ARMC3: variants seen among roughly 807,000 people sequenced by gnomAD.
ARMC3 encodes armadillo repeat containing 3.
ARMC3 carries 74 observed loss-of-function variants against 90.3 expected under a neutral mutation model. The ratio of observed to expected loss-of-function variants is 0.82; its 90% CI spans 0.68 to 0.99. The LOEUF (loss-of-function observed/expected upper bound fraction) is 0.99. ARMC3 is among the 50% of genes least tolerant of loss of function. ARMC3 has a pLI of 0.00. For missense variants in ARMC3, 958 were observed against 1,042.8 expected, an observed-to-expected ratio of 0.92 and a Z score of 1.12; for synonymous variants, 334 against 361.8, an observed-to-expected ratio of 0.92 and a Z score of 0.87.
intron 7 of ARMC3, among the ~76,000 whole-genome samples, chr10:22,963,940 A>C (rs1371639452): frequency 0.056 from 8,092 of 145,032 alleles, 332 homozygotes; most frequent in Middle Eastern, 0.099. Flanking sequence ...AAAAAAAAAA[A>C]AAAAAAAAAA....
chr10:22,931,293 C>T (rs765461303), intron 1 of ARMC3, among the ~76,000 whole-genome samples: 15 of 152,194 alleles, frequency 9.9e-5, no homozygotes, highest in Non-Finnish European at 2.2e-4. Context: ...AATTCCATTC[C>T]TTTCACTTTT....
chr10:23,011,647 G>C (rs957488654), intron 16 of ARMC3, among the ~76,000 whole-genome samples: 4 of 152,116 alleles, frequency 2.6e-5, no homozygotes, highest in African/African-American at 9.7e-5. Context: ...CACCTGCATG[G>C]TAACTTACTT....
At chr10:22,987,314 A>G (rs1836494388) in intron 10 of ARMC3, among the ~76,000 whole-genome samples, 1 of 152,218 alleles carries the variant, frequency 6.6e-6, no homozygotes, top group East Asian at 1.9e-4. Context: ...CATTAAAAGA[A>G]TGTTTTAAAC....
chr10:22,963,935 A>ACC (rs1588851605), intron 7 of ARMC3, among the ~76,000 whole-genome samples: 2 of 114,108 alleles, frequency 1.8e-5, no homozygotes, highest in Non-Finnish European at 3.9e-5. Context: ...AAAAAAAAAA[A>ACC]AAAAAAAAAA....
chr10:22,936,839 G>A (rs1436699664), intron 2 of ARMC3, among the ~76,000 whole-genome samples: 1 of 152,100 alleles, frequency 6.6e-6, no homozygotes, highest in Non-Finnish European at 1.5e-5. Context: ...TTTCTCCTTT[G>A]TCAGCCTATT....
intron 16 of ARMC3, among the ~76,000 whole-genome samples, chr10:23,018,514 A>ATTTTTTTTTT (rs5783816): frequency 1.7e-5 from 2 of 115,482 alleles, no homozygotes; most frequent in African/African-American, 3.5e-5. Flanking sequence ...CACCTTAGTA[A>ATTTTTTTTTT]TTTTTTTTTT....
chr10:23,007,627 G>A (rs1837685625), intron 14 of ARMC3, among the ~76,000 whole-genome samples: 1 of 151,468 alleles, frequency 6.6e-6, no homozygotes, highest in East Asian at 1.9e-4. Flanking sequence ...AACCCGGGAG[G>A]CGGATGTTGC....
chr10:23,030,203 G>A (rs1838865477), intron 16 of ARMC3, among the ~76,000 whole-genome samples: 1 of 152,014 alleles, frequency 6.6e-6, no homozygotes, highest in Non-Finnish European at 1.5e-5. Flanking sequence ...CTTTACATAT[G>A]TATAAAATAC....
chr10:23,020,113 G>A (rs1008942215), intron 16 of ARMC3, among the ~76,000 whole-genome samples: 2 of 149,374 alleles, frequency 1.3e-5, no homozygotes, highest in African/African-American at 2.5e-5. Flanking sequence ...GTGAATGTAA[G>A]TTTTTGTTTT....
chr10:22,985,736 G>T (rs529812507), intron 10 of ARMC3, among the ~76,000 whole-genome samples: 21 of 152,180 alleles, frequency 1.4e-4, no homozygotes, highest in Non-Finnish European at 2.8e-4. Context: ...TAACAAACAT[G>T]AATCCTTTTA....
rs760232022 is a variant in ARMC3, at chr10:22,968,295, TTTA to T, written c.733-4_733-2del. ...ACAACTTTCTAAAGTTGTATTTGCT[TTTA>T]TTATTAGGAATTGAATGACCTTCAT... On this transcript the variant is annotated splice_polypyrimidine_tract_variant and splice_region_variant and intron_variant, in intron 7 of 18. Coordinates refer to ENST00000298032, the MANE Select transcript of ARMC3 (RefSeq NM_173081.5). 1.9e-6 allele frequency: 3 copies of T among 1,610,746 alleles called. No individual in the cohort carries two copies. The African/African-American group carries it at 4.0e-5, about 22-fold the overall frequency.
intron 3 of ARMC3, among the ~76,000 whole-genome samples, chr10:22,949,040 A>C (rs1162010020): frequency 2.0e-5 from 3 of 152,236 alleles, no homozygotes; most frequent in Non-Finnish European, 4.4e-5. Context: ...TTCATGGAGC[A>C]TTGTGTAGAA....
intron 7 of ARMC3, among the ~76,000 whole-genome samples, chr10:22,965,356 T>C (rs528453358): frequency 8.5e-5 from 13 of 152,376 alleles, no homozygotes; most frequent in Admixed American, 5.2e-4. Context: ...AGTTTTGTTT[T>C]CAGCATTTTT....
At chr10:22,985,018 A>G (rs556018950) in intron 10 of ARMC3, among the ~76,000 whole-genome samples, 14 of 143,900 alleles carry the variant, frequency 9.7e-5, no homozygotes, top group African/African-American at 3.4e-4. Flanking sequence ...GATTACAGGC[A>G]TGCACCATCC....
intron 11 of ARMC3, among the ~76,000 whole-genome samples, chr10:23,001,357 T>C (rs1298284971): frequency 1.3e-5 from 2 of 152,202 alleles, no homozygotes; most frequent in South Asian, 2.1e-4. Flanking sequence ...GTGACCCTCC[T>C]TGGATCTTCA....
chr10:23,037,714 T>A lies in ARMC3; in HGVS notation c.*235T>A, dbSNP rs1303868392. On this transcript the variant is annotated 3_prime_UTR_variant, in exon 19 of 19. Transcript: ENST00000298032. The stretch of plus-strand genomic sequence containing the variant: ...CATTTTCCGCTCACTGACCCTCACA[T>A]AAAGCTGATTGTTGTCGAAATTCAT... The A allele has an allele frequency of 2.3e-6, 1 of 425,856 alleles. No homozygotes were observed. The highest frequency in any genetic ancestry group is 2.0e-5 in the African/African-American group (1 of 50,680). The allele number at this position is 425,856 out of a possible 1,614,324, so 26.4% of individuals were successfully genotyped here. A position where few individuals can be genotyped will look rare whatever the true frequency, so the allele number is the denominator to read the frequency against.
At chr10:22,987,906 G>A (rs1836527300) in intron 10 of ARMC3, among the ~76,000 whole-genome samples, 1 of 152,202 alleles carries the variant, frequency 6.6e-6, no homozygotes, top group Admixed American at 6.5e-5. Context: ...CCCATTGCCA[G>A]CTTCTACAAT....
intron 1 of ARMC3, among the ~76,000 whole-genome samples, chr10:22,929,633 C>T (rs560823451): frequency 5.0e-4 from 76 of 152,284 alleles, no homozygotes; most frequent in Admixed American, 1.2e-3. Flanking sequence ...TTGCAACCTC[C>T]GCCTCCCGGC....
At chr10:23,016,336 C>T (rs1054804694) in intron 16 of ARMC3, among the ~76,000 whole-genome samples, 2 of 152,178 alleles carry the variant, frequency 1.3e-5, no homozygotes, top group Admixed American at 1.3e-4. Flanking sequence ...CAAAAAGGAG[C>T]AAGGGATTAA....
Sources: allele counts gnomAD v4.1 joint callset (sites outside exome capture counted in the v4.1 genomes callset), GRCh38; gene constraint gnomAD v4.1.1; transcripts MANE v1.5; gene names NCBI Gene and HGNC (gene_info 2026-07-23, HGNC 2026-07-21).